CHST11: variants seen among roughly 807,000 people sequenced by gnomAD.
CHST11 encodes the protein carbohydrate sulfotransferase 11, also known as C4S-1.
CHST11 carries 9 observed loss-of-function variants against 30.4 expected under a neutral mutation model. The ratio of observed to expected loss-of-function variants is 0.30; its 90% CI spans 0.18 to 0.52. The LOEUF is 0.52. Among genes scored for constraint, CHST11 ranks in the 20% least tolerant of loss-of-function variants. The pLI, the probability that CHST11 is intolerant of heterozygous loss-of-function variation, is 0.97. For missense variants in CHST11, 348 were observed against 460.6 expected (o/e 0.76, Z 2.24); for synonymous variants, 152 against 187.8 (o/e 0.81, Z 1.56).
intron 2 of CHST11, among the ~76,000 whole-genome samples, chr12:104,675,369 G>A (rs1373168654): frequency 1.3e-5 from 2 of 152,178 alleles, no homozygotes; most frequent in Non-Finnish European, 2.9e-5. Context: ...AGAATGGTAT[G>A]GAATTGCTTC....
intron 1 of CHST11, among the ~76,000 whole-genome samples, chr12:104,536,405 C>T (rs2038237441): frequency 6.6e-6 from 1 of 152,176 alleles, no homozygotes; most frequent in Non-Finnish European, 1.5e-5. Flanking sequence ...GTCATAGGAC[C>T]AGCAGTATCA....
At chr12:104,596,100 G>A (rs1408300732) in intron 1 of CHST11, among the ~76,000 whole-genome samples, 1 of 152,196 alleles carries the variant, frequency 6.6e-6, no homozygotes, top group Non-Finnish European at 1.5e-5. Context: ...GTACAAAACA[G>A]AATTGCCTGT....
In CHST11 at chr12:104,758,204, T is replaced by C. The variant is rs114029012; in HGVS notation, c.*401T>C. 4 of 168,058 alleles carry C rather than the reference T, an allele frequency of 2.4e-5. No homozygotes were observed. Among genetic ancestry groups the C allele is most frequent in the African/African-American group, 9.6e-5 (4 of 41,682 alleles). 10.4% of individuals were successfully genotyped at this position (168,058 alleles called of 1,614,324 possible). ...TTCCTGCTTTGCTTGCTACAGCTCA[T>C]TTGGGGGCATGAATGTTCTCCTTAC... On this transcript the variant is annotated 3_prime_UTR_variant, in exon 3 of 3. Transcript: ENST00000303694.
intron 1 of CHST11, among the ~76,000 whole-genome samples, chr12:104,585,457 A>C (rs1018144849): frequency 1.4e-4 from 21 of 152,244 alleles, no homozygotes; most frequent in African/African-American, 5.1e-4. Flanking sequence ...GGGAGTGGAC[A>C]ATTAGAAATG....
chr12:104,671,848 C>T (rs1448887648), intron 2 of CHST11, among the ~76,000 whole-genome samples: 2 of 152,124 alleles, frequency 1.3e-5, no homozygotes, highest in Non-Finnish European at 2.9e-5. Flanking sequence ...CCCCCTTTGT[C>T]ACCTTGTAGG....
At chr12:104,629,155 C>A (rs1460048980) in intron 2 of CHST11, among the ~76,000 whole-genome samples, 1 of 152,198 alleles carries the variant, frequency 6.6e-6, no homozygotes, top group African/African-American at 2.4e-5. Context: ...TCCAGCCCTG[C>A]CTCTTACTAG....
At chr12:104,569,442 C>T (rs991095186) in intron 1 of CHST11, among the ~76,000 whole-genome samples, 2 of 152,192 alleles carry the variant, frequency 1.3e-5, no homozygotes, top group African/African-American at 4.8e-5. Context: ...CTCTTACAAT[C>T]TCAGTTTTCT....
chr12:104,655,375 G>A (rs1413384741), intron 2 of CHST11, among the ~76,000 whole-genome samples: 1 of 152,222 alleles, frequency 6.6e-6, no homozygotes, highest in Non-Finnish European at 1.5e-5. Flanking sequence ...TGCCCCTCCA[G>A]CCTCGGCAGG....
At chr12:104,465,692 C>T (rs764271230) in intron 1 of CHST11, among the ~76,000 whole-genome samples, 3 of 152,100 alleles carry the variant, frequency 2.0e-5, no homozygotes, top group Non-Finnish European at 2.9e-5. Context: ...CTTTCCACCT[C>T]GGTCACCACC....
intron 2 of CHST11, among the ~76,000 whole-genome samples, chr12:104,640,883 T>C (rs543899141): frequency 2.5e-4 from 38 of 152,302 alleles, no homozygotes; most frequent in African/African-American, 9.1e-4. Flanking sequence ...AGCCTAATAC[T>C]GTAGCCCAAA....
chr12:104,543,456 C>T (rs1754844345), intron 1 of CHST11, among the ~76,000 whole-genome samples: 1 of 152,172 alleles, frequency 6.6e-6, no homozygotes, highest in African/African-American at 2.4e-5. Context: ...TTTGTGTTTC[C>T]ATTTGCTCCT....
At chr12:104,560,910 G>T (rs1431305862) in intron 1 of CHST11, among the ~76,000 whole-genome samples, 1 of 152,194 alleles carries the variant, frequency 6.6e-6, no homozygotes, top group African/African-American at 2.4e-5. Flanking sequence ...TGACATTGCT[G>T]TGGTCAGCCA....
chr12:104,597,114 C>T (rs962842206), intron 1 of CHST11, among the ~76,000 whole-genome samples: 2 of 152,146 alleles, frequency 1.3e-5, no homozygotes, highest in African/African-American at 2.4e-5. Flanking sequence ...GCCAGCTCTC[C>T]GTGGGCTGCT....
At chr12:104,475,908 T>C (rs923921199) in intron 1 of CHST11, among the ~76,000 whole-genome samples, 1 of 137,918 alleles carries the variant, frequency 7.3e-6, no homozygotes, top group East Asian at 2.0e-4. Context: ...CATATATATA[T>C]ATATGACTTT....
intron 1 of CHST11, among the ~76,000 whole-genome samples, chr12:104,475,528 A>G (rs2135956789): frequency 6.6e-6 from 1 of 151,588 alleles, no homozygotes; most frequent in South Asian, 2.1e-4. Flanking sequence ...CAAAACAGAC[A>G]ATGATCCCTA....
chr12:104,602,355 C>T (rs2038965663), intron 2 of CHST11: 3 of 275,176 alleles, frequency 1.1e-5, no homozygotes, highest in Non-Finnish European at 2.0e-5. Flanking sequence ...CATGGGTACA[C>T]TTGACACCCA....
At chr12:104,717,052 G>A (rs545847000) in intron 2 of CHST11, among the ~76,000 whole-genome samples, 17 of 152,218 alleles carry the variant, frequency 1.1e-4, no homozygotes, top group East Asian at 7.7e-4. Flanking sequence ...CCTCTTCCAC[G>A]TTTAAGGGAC....
chr12:104,697,436 CT>C (rs1000011431), intron 2 of CHST11, among the ~76,000 whole-genome samples: 15 of 152,166 alleles, frequency 9.9e-5, no homozygotes, highest in African/African-American at 3.6e-4. Flanking sequence ...CCAATTCTCT[CT>C]TTTCTTGAGC....
chr12:104,458,858 A>T lies in CHST11; in HGVS notation c.118+1329A>T, dbSNP rs2037381480. 1.3e-5 allele frequency among the ~76,000 whole-genome samples: 2 copies of T among 152,168 alleles called. No individual in the cohort carries two copies. The highest frequency in any genetic ancestry group is 4.1e-4 in the South Asian group (2 of 4,828). On this transcript the variant is annotated intron_variant, in intron 1 of 2. Coordinates refer to ENST00000303694, the MANE Select transcript of CHST11 (RefSeq NM_018413.6). This position sits in a 1 kb window ranked among gnomAD's most constrained non-coding sequence, Gnocchi z 5.7. ...ACTGTGTATCTAACACTTTAAACAGACGCAGTCCCGAATTCATCAAGCCTG... is the reference window on the plus strand; with the variant it reads ...ACTGTGTATCTAACACTTTAAACAGTCGCAGTCCCGAATTCATCAAGCCTG...
Sources: gnomAD v4.1 joint callset for allele counts (sites outside exome capture counted in the v4.1 genomes callset) on GRCh38, gnomAD v4.1.1 for gene constraint, Gnocchi (gnomAD v3.1) non-coding constraint, MANE v1.5 for transcripts, NCBI Gene and HGNC (gene_info 2026-07-23, HGNC 2026-07-21) for gene names.